The following GRIA4 variants were observed in gnomAD, a reference collection of about 807,000 sequenced individuals.
GRIA4 encodes the protein glutamate ionotropic receptor AMPA type subunit 4.
GRIA4 carries 34 observed loss-of-function variants against 104.0 expected under a neutral mutation model. The observed-to-expected ratio is 0.33, with a 90% confidence interval of 0.25 to 0.44. GRIA4 has a LOEUF of 0.44. GRIA4 is among the 20% of genes least tolerant of loss of function. The pLI, the probability that GRIA4 is intolerant of heterozygous loss-of-function variation, is 1.00. For synonymous variants in GRIA4, 386 were observed against 381.9 expected, an observed-to-expected ratio of 1.01 and a Z score of -0.13; for missense variants, 750 against 1,096.5, an observed-to-expected ratio of 0.68 and a Z score of 4.46.
chr11:105,639,514 T>A (rs1471419865), intron 3 of GRIA4, among the ~76,000 whole-genome samples: 1 of 151,926 alleles, frequency 6.6e-6, no homozygotes, highest in Admixed American at 6.6e-5. Flanking sequence ...AATGAAAAAT[T>A]CCAAGAATTT....
chr11:105,818,320 G>A (rs1265309895), intron 4 of GRIA4, among the ~76,000 whole-genome samples: 2 of 152,076 alleles, frequency 1.3e-5, no homozygotes, highest in Admixed American at 1.3e-4. Flanking sequence ...GTTACTCAGG[G>A]AAGAGATGAA....
At chr11:105,855,418 A>G (rs1944974381) in intron 4 of GRIA4, among the ~76,000 whole-genome samples, 1 of 152,144 alleles carries the variant, frequency 6.6e-6, no homozygotes, top group Admixed American at 6.6e-5. Flanking sequence ...ACACATTGGA[A>G]CTGTGAGCTT....
Position 105,779,233 on chromosome 11 carries a change from C to T in GRIA4, c.487+26013C>T, listed in dbSNP as rs568383463. On this transcript the variant is annotated intron_variant, in intron 4 of 16. Coordinates refer to ENST00000282499, the MANE Select transcript of GRIA4 (RefSeq NM_000829.4). ...CAAGTCTTTGCTATTGTGAATAGTG[C>T]GACATGAAGGACCTCTTCAAGGAGA... Among the ~76,000 whole-genome samples, 382 of 151,826 alleles carry T rather than the reference C, an allele frequency of 2.5e-3. 1 individual carries two copies. The highest frequency in any genetic ancestry group is 3.4e-3 in the Non-Finnish European group (229 of 67,940).
chr11:105,715,994 A>C (rs1421128636), intron 3 of GRIA4, among the ~76,000 whole-genome samples: 1 of 152,208 alleles, frequency 6.6e-6, no homozygotes, highest in Non-Finnish European at 1.5e-5. Context: ...GAAGAAGAGG[A>C]AAGTAGACAT....
Position 105,866,549 on chromosome 11 carries a change from GTGTATATATATATA to G in GRIA4, c.672+4343_672+4356del, listed in dbSNP as rs1306715712. ...TATATACGCATATGTGTGTGTGTGTGTGTATATATATATATATATATATATATATATATATTCAG... is the reference window on the plus strand; with the variant it reads ...TATATACGCATATGTGTGTGTGTGTGTATATATATATATATATATATTCAG... On this transcript the variant is annotated intron_variant, in intron 5 of 16. Transcript: ENST00000282499. 1.0e-4 allele frequency among the ~76,000 whole-genome samples: 8 copies of G among 78,268 alleles called. 1 individual carries two copies. The highest frequency in any genetic ancestry group is 1.4e-4 in the Admixed American group (1 of 7,026). 51.3% of individuals were successfully genotyped at this position (78,268 alleles called of 152,430 possible).
chr11:105,980,770 A>C lies in GRIA4; in HGVS notation c.*1031A>C, dbSNP rs1433085468. The stretch of plus-strand genomic sequence containing the variant: ...TAAAAGTTATTTGAGAAATTATAAG[A>C]CTATAAGAGAGATTGTATTAGTGGT... On this transcript the variant is annotated 3_prime_UTR_variant, in exon 17 of 17. Transcript: ENST00000282499. The C allele has an allele frequency of 6.6e-6, 1 of 152,642 alleles. No individual in the cohort carries two copies. The highest frequency in any genetic ancestry group is 1.5e-5 in the Non-Finnish European group (1 of 68,034). The allele number at this position is 152,642 out of a possible 1,614,324, so 9.5% of individuals were successfully genotyped here. A position where few individuals can be genotyped will look rare whatever the true frequency, so the allele number is the denominator to read the frequency against.
At chr11:105,862,393 C>A in intron 5 of GRIA4, 185 bp downstream of exon 5, 1 of 532,760 alleles carries the variant, frequency 1.9e-6, no homozygotes. Flanking sequence ...CTTTTTGGTT[C>A]TTAAGTCTCA....
At chr11:105,821,016 C>G (rs1208151223) in intron 4 of GRIA4, among the ~76,000 whole-genome samples, 1 of 152,084 alleles carries the variant, frequency 6.6e-6, no homozygotes, top group African/African-American at 2.4e-5. Context: ...TAAATTGGTT[C>G]TCTATTTACT....
chr11:105,634,239 G>A (rs1951116991), intron 3 of GRIA4, among the ~76,000 whole-genome samples: 1 of 151,464 alleles, frequency 6.6e-6, no homozygotes, highest in South Asian at 2.1e-4. Flanking sequence ...CCCAGCTACT[G>A]GGGAGGCTGA....
At chr11:105,910,129 T>C (rs763058763) in intron 9 of GRIA4, among the ~76,000 whole-genome samples, 1 of 152,142 alleles carries the variant, frequency 6.6e-6, no homozygotes, top group Non-Finnish European at 1.5e-5. Flanking sequence ...GAGGAGGGGA[T>C]CTGCATAAAA....
chr11:105,783,978 T>C (rs968579881), intron 4 of GRIA4, among the ~76,000 whole-genome samples: 2 of 152,224 alleles, frequency 1.3e-5, no homozygotes, highest in Admixed American at 1.3e-4. Context: ...ATAGACTTGT[T>C]TGTAAGCCTA....
intron 3 of GRIA4, among the ~76,000 whole-genome samples, chr11:105,749,415 G>A (rs907201085): frequency 2.6e-5 from 4 of 152,134 alleles, no homozygotes; most frequent in Admixed American, 2.6e-4. Context: ...AGCAGTTAGA[G>A]GAACTTCTTA....
chr11:105,826,550 G>A (rs895814315), intron 4 of GRIA4, among the ~76,000 whole-genome samples: 54 of 152,176 alleles, frequency 3.5e-4, no homozygotes, highest in African/African-American at 1.3e-3. Context: ...ATAGATTGCA[G>A]GAGAAGCTGA....
chr11:105,727,201 T>C (rs1938268055), intron 3 of GRIA4, among the ~76,000 whole-genome samples: 1 of 151,904 alleles, frequency 6.6e-6, no homozygotes, highest in Non-Finnish European at 1.5e-5. Flanking sequence ...AATGACCTGA[T>C]GGAGCTGAAA....
At position 105,934,326 on chromosome 11, in the gene GRIA4, AT is replaced by A. The variant is rs201283155; in HGVS notation, c.2294+366del. 5.7e-3 allele frequency among the ~76,000 whole-genome samples: 858 copies of A among 151,164 alleles called. 3 individuals are homozygous for A. Among genetic ancestry groups the A allele is most frequent in the African/African-American group, 0.019 (800 of 41,246 alleles). ...GTCAGTGATAATTCTACATTTTATC[AT>A]TTTTTTTTAATTATGCCTGGCCACT... On this transcript the variant is annotated intron_variant, in intron 14 of 16. Transcript: ENST00000282499.
At chr11:105,700,796 C>T (rs1485117490) in intron 3 of GRIA4, among the ~76,000 whole-genome samples, 2 of 152,150 alleles carry the variant, frequency 1.3e-5, no homozygotes, top group Non-Finnish European at 2.9e-5. Context: ...AATGCATTCC[C>T]TTTTCACTGC....
chr11:105,860,460 A>G lies in GRIA4; in HGVS notation c.488-1564A>G, dbSNP rs115003784. On this transcript the variant is annotated intron_variant, in intron 4 of 16. Coordinates refer to ENST00000282499, the MANE Select transcript of GRIA4 (RefSeq NM_000829.4). ...CTCTACCCAATTCCAGTATCACAGGAAGAAGAAACTACAGACAGTTGCTAT... is the reference window on the plus strand; with the variant it reads ...CTCTACCCAATTCCAGTATCACAGGGAGAAGAAACTACAGACAGTTGCTAT... Among the ~76,000 whole-genome samples the G allele has an allele frequency of 2.8e-3, 427 of 152,280 alleles. 2 individuals carry two copies. Among genetic ancestry groups the G allele is most frequent in the African/African-American group, 9.8e-3 (407 of 41,558 alleles).
At chr11:105,963,561 CAT>C (rs1245923440) in intron 14 of GRIA4, among the ~76,000 whole-genome samples, 3 of 152,100 alleles carry the variant, frequency 2.0e-5, no homozygotes, top group Non-Finnish European at 4.4e-5. Flanking sequence ...TGAGGGACCA[CAT>C]GTTTCTGGAA....
chr11:105,872,603 A>G (rs1945658228), intron 5 of GRIA4, among the ~76,000 whole-genome samples: 1 of 152,096 alleles, frequency 6.6e-6, no homozygotes, highest in South Asian at 2.1e-4. Context: ...TCATAACAGT[A>G]TGTGATATTT....
Sources: gnomAD v4.1 joint callset for allele counts (sites outside exome capture counted in the v4.1 genomes callset) on GRCh38, gnomAD v4.1.1 for gene constraint, MANE v1.5 for transcripts, NCBI Gene and HGNC (gene_info 2026-07-23, HGNC 2026-07-21) for gene names.